The following OVAAL variants were observed in gnomAD, a reference collection of about 807,000 sequenced individuals.
OVAAL encodes long intergenic non-protein coding RNA 1131.
intron 2 of OVAAL, among the ~76,000 whole-genome samples, chr1:180,563,520 G>C (rs772985801): frequency 2.0e-5 from 3 of 152,128 alleles, no homozygotes; most frequent in Non-Finnish European, 4.4e-5. Flanking sequence ...ACTTAGAAGA[G>C]GTCCAAGTGG....
chr1:180,561,508 C>G (rs1193923810), intron 1 of OVAAL, among the ~76,000 whole-genome samples: 1 of 152,130 alleles, frequency 6.6e-6, no homozygotes, highest in Non-Finnish European at 1.5e-5. Flanking sequence ...ATCGGGTTAT[C>G]TGGCAGCTCA....
At chr1:180,562,815 C>T (rs552152739) in intron 2 of OVAAL, among the ~76,000 whole-genome samples, 2 of 152,292 alleles carry the variant, frequency 1.3e-5, no homozygotes, top group African/African-American at 4.8e-5. Flanking sequence ...GTGAGCAGGC[C>T]ACTATAGTTA....
At chr1:180,560,241 TCAAGAGA>T (rs1270266457) in intron 1 of OVAAL, among the ~76,000 whole-genome samples, 2 of 151,886 alleles carry the variant, frequency 1.3e-5, no homozygotes, top group Non-Finnish European at 2.9e-5. Context: ...GTGAAAGGGA[TCAAGAGA>T]ATGAGGGTGA....
intron 1 of OVAAL, among the ~76,000 whole-genome samples, chr1:180,559,544 A>G (rs1156606104): frequency 6.6e-6 from 1 of 152,166 alleles, no homozygotes; most frequent in African/African-American, 2.4e-5. Flanking sequence ...GTGCTGTTAA[A>G]AGCATTCCAT....
chr1:180,563,689 T>G (rs1292728096), intron 2 of OVAAL, among the ~76,000 whole-genome samples: 2 of 152,204 alleles, frequency 1.3e-5, no homozygotes, highest in Non-Finnish European at 2.9e-5. Context: ...TTACTGGAGT[T>G]GTACTTATGC....
intron 1 of OVAAL, among the ~76,000 whole-genome samples, chr1:180,560,198 C>T (rs1215412543): frequency 6.6e-6 from 1 of 151,838 alleles, no homozygotes; most frequent in Non-Finnish European, 1.5e-5. Context: ...GGGAGCAAAA[C>T]AAAATAAGAA....
chr1:180,559,496 A>G (rs1393315805), intron 1 of OVAAL, among the ~76,000 whole-genome samples: 1 of 152,222 alleles, frequency 6.6e-6, no homozygotes, highest in African/African-American at 2.4e-5. Flanking sequence ...CTGGTGGAAG[A>G]AATTTCTAAG....
intron 2 of OVAAL, among the ~76,000 whole-genome samples, chr1:180,563,921 C>G (rs1653251322): frequency 6.6e-6 from 1 of 152,120 alleles, no homozygotes; most frequent in African/African-American, 2.4e-5. Flanking sequence ...TTTAGAGAGA[C>G]AGTTAACAAT....
intron 2 of OVAAL, among the ~76,000 whole-genome samples, chr1:180,565,080 G>T (rs987291561): frequency 6.6e-6 from 1 of 152,198 alleles, no homozygotes; most frequent in Non-Finnish European, 1.5e-5. Context: ...ATGGCGGCAT[G>T]GATGGGATTT....
chr1:180,562,274 AAGAAG>A (rs1249033200), exon 2 of OVAAL: 1 of 152,384 alleles, frequency 6.6e-6, no homozygotes, highest in Admixed American at 6.5e-5. Flanking sequence ...GAGGTACAGA[AAGAAG>A]AGAAAAGACT....
At chr1:180,566,155 G>C (rs1316506665) in exon 3 of OVAAL, 1 of 152,244 alleles carries the variant, frequency 6.6e-6, no homozygotes, top group African/African-American at 2.4e-5. Context: ...AGATGTGCAA[G>C]AGTATTTGTC....
At chr1:180,563,799 C>T (rs1193992219) in intron 2 of OVAAL, among the ~76,000 whole-genome samples, 1 of 152,050 alleles carries the variant, frequency 6.6e-6, no homozygotes, top group Non-Finnish European at 1.5e-5. Flanking sequence ...TGTGTGAGTC[C>T]GCACGCCCAA....
chr1:180,560,097 A>G (rs1304872185), intron 1 of OVAAL, among the ~76,000 whole-genome samples: 1 of 152,122 alleles, frequency 6.6e-6, no homozygotes, highest in African/African-American at 2.4e-5. Context: ...AGAGGAAAAA[A>G]GTGAGGCTTA....
chr1:180,559,027 C>T, intron 1 of OVAAL: 1 of 153,984 alleles, frequency 6.5e-6, no homozygotes, highest in South Asian at 2.0e-4. Context: ...CCTGCCATGA[C>T]TCTGAGGCCT....
chr1:180,559,837 C>T (rs900465346), intron 1 of OVAAL, among the ~76,000 whole-genome samples: 7 of 149,264 alleles, frequency 4.7e-5, no homozygotes, highest in Admixed American at 1.3e-4. Context: ...AACTGGGAGG[C>T]GGAGGTTGCA....
At chr1:180,560,406 C>T (rs4652514) in intron 1 of OVAAL, among the ~76,000 whole-genome samples, 101,240 of 151,946 alleles carry the variant, frequency 0.67, 34,303 homozygotes, top group East Asian at 0.87. Context: ...TACAGGAATG[C>T]GAGGTCATAG....
rs139682632 is a variant in OVAAL, at chr1:180,566,471, T to C, written n.1734T>C. 2.0e-5 allele frequency: 3 copies of C among 152,368 alleles called. No individual in the cohort carries two copies. In the East Asian group the frequency reaches 5.8e-4, roughly 29 times the overall value. 9.4% of individuals were successfully genotyped at this position (152,368 alleles called of 1,614,324 possible). ...AATGGATGTCTTCTTATATAATATT[T>C]TACAAGCTTTTGAAAACCTGTGCCC... On this transcript the variant is annotated non_coding_transcript_exon_variant, in exon 3 of 3. Transcript: ENST00000673955.
chr1:180,562,538 A>G (rs78556767), intron 2 of OVAAL, among the ~76,000 whole-genome samples: 6 of 152,262 alleles, frequency 3.9e-5, no homozygotes, highest in South Asian at 4.1e-4. Flanking sequence ...GAATGCTGTA[A>G]CTCAGGGATC....
exon 3 of OVAAL, chr1:180,566,490 T>C (rs2102147317): frequency 6.6e-6 from 1 of 152,366 alleles, no homozygotes; most frequent in East Asian, 1.9e-4. Flanking sequence ...TTTGAAAACC[T>C]GTGCCCTTTA....
Sources: gnomAD v4.1 joint callset for allele counts (sites outside exome capture counted in the v4.1 genomes callset) on GRCh38, gnomAD v4.1.1 for gene constraint, MANE v1.5 for transcripts, NCBI Gene and HGNC (gene_info 2026-07-23, HGNC 2026-07-21) for gene names.